FCRL5: variants seen among roughly 807,000 people sequenced by gnomAD.
The protein encoded by FCRL5 is Fc receptor like 5.
Under a neutral mutation model 92.1 loss-of-function variants are expected in FCRL5, and 79 were observed. The ratio of observed to expected loss-of-function variants is 0.86; its 90% confidence interval spans 0.72 to 1.03. The LOEUF (loss-of-function observed/expected upper bound fraction) is 1.03. Among genes scored for constraint, FCRL5 ranks in the 50% least tolerant of loss-of-function variants. The pLI is 0.00. For missense variants in FCRL5, 1,160 were observed against 1,181.1 expected (o/e 0.98, Z 0.26); for synonymous variants, 466 against 469.3 (o/e 0.99, Z 0.09).
At chr1:157,549,701 T>G in intron 1 of FCRL5, 121 bp from the exon 2 acceptor site, 1 of 720,386 alleles carries the variant, frequency 1.4e-6, no homozygotes, top group Non-Finnish European at 2.3e-6. Context: ...ATTTAAAAAC[T>G]CTAATAATTA....
At chr1:157,530,258 C>T (rs1855121) in intron 8 of FCRL5, among the ~76,000 whole-genome samples, 110,054 of 152,130 alleles carry the variant, frequency 0.72, 42,892 homozygotes, top group South Asian at 0.86. Flanking sequence ...ACTTAAAAAT[C>T]TACATCACTA....
rs1571120226 is a variant in FCRL5, at chr1:157,552,236, C to T, written c.31+96G>A. 1.2e-5 allele frequency: 15 copies of T among 1,215,770 alleles called. No homozygotes were observed. In the East Asian group the frequency reaches 3.5e-4, roughly 28 times the overall value. 75.3% of individuals were successfully genotyped at this position (1,215,770 alleles called of 1,614,324 possible). Reference sequence around the variant, plus strand: ...TCTCCTAATGTAGGAGAGAGTCTCTCAGCAGGGGCTGAGCCCCAAGAAAGG... The same window carrying T: ...TCTCCTAATGTAGGAGAGAGTCTCTTAGCAGGGGCTGAGCCCCAAGAAAGG... On this transcript the variant is annotated intron_variant, in intron 1 of 16. Transcript: ENST00000361835.
intron 6 of FCRL5, 85 bp downstream of exon 6, chr1:157,542,774 G>A (rs1174289135): frequency 2.8e-6 from 4 of 1,451,962 alleles, no homozygotes; most frequent in Non-Finnish European, 2.8e-6. Flanking sequence ...TGAGGATACT[G>A]GAAGGTATAT....
chr1:157,517,443 G>A (rs966240288), intron 15 of FCRL5, among the ~76,000 whole-genome samples: 3 of 152,216 alleles, frequency 2.0e-5, no homozygotes, highest in Non-Finnish European at 4.4e-5. Context: ...GAGATAGGGA[G>A]ATTATTCTGG....
intron 11 of FCRL5, among the ~76,000 whole-genome samples, chr1:157,520,805 T>G (rs749692473): frequency 3.9e-5 from 6 of 152,226 alleles, no homozygotes; most frequent in Non-Finnish European, 8.8e-5. Context: ...CTAAAGTCAG[T>G]GGCGCTCTTG....
intron 8 of FCRL5, among the ~76,000 whole-genome samples, chr1:157,530,962 C>A (rs1243542988): frequency 2.0e-5 from 3 of 151,992 alleles, no homozygotes; most frequent in Non-Finnish European, 1.5e-5. Flanking sequence ...GCAACAAAAG[C>A]AAATATTAGA....
At chr1:157,519,809 T>C in intron 12 of FCRL5, 39 bp from the exon 13 acceptor site, 1 of 1,610,850 alleles carries the variant, frequency 6.2e-7, no homozygotes, top group Non-Finnish European at 8.5e-7. Context: ...TTCAGGAAGA[T>C]GAGACCCTCA....
chr1:157,520,507 G>A lies in FCRL5; in HGVS notation c.2556C>T (p.Val852=), dbSNP rs746651299. 1.2e-5 allele frequency: 19 copies of A among 1,576,278 alleles called. No homozygotes were observed. Among genetic ancestry groups the A allele is most frequent in the Non-Finnish European group, 1.5e-5 (17 of 1,160,814 alleles). The change falls in exon 12 of 17, where the codon GTC becomes GTT. Residue 852 remains valine, a synonymous_variant. Transcript: ENST00000361835. ...ANRSGPFATG[V]AGGLLSIAGL... ...CTGCTATGCTGAGCAGGCCCCCGGCGACTCCTGTGGCAAAAGGGCCACTTC... is the reference window on the plus strand; with the variant it reads ...CTGCTATGCTGAGCAGGCCCCCGGCAACTCCTGTGGCAAAAGGGCCACTTC...
intron 8 of FCRL5, chr1:157,531,834 G>A (rs1475862751): frequency 1.3e-5 from 2 of 152,134 alleles, no homozygotes; most frequent in African/African-American, 4.8e-5. Flanking sequence ...GAGGGGAGAG[G>A]GAAGAGGAGG....
Position 157,549,280 on chromosome 1 carries a change from T to C in FCRL5, c.52+280A>G, listed in dbSNP as rs528264501. Reference sequence around the variant, plus strand: ...AAGGGGAACATCACACTCCAGGGCCTGTTGTGGGGTGGGGGGAGGGGGGAG... The same window carrying C: ...AAGGGGAACATCACACTCCAGGGCCCGTTGTGGGGTGGGGGGAGGGGGGAG... On this transcript the variant is annotated intron_variant, in intron 2 of 16. Coordinates refer to ENST00000361835, the MANE Select transcript of FCRL5 (RefSeq NM_031281.3). Among the ~76,000 whole-genome samples, 9 of 103,246 alleles carry C rather than the reference T, an allele frequency of 8.7e-5. No homozygotes were observed. The Admixed American group carries it at 1.1e-3, about 13-fold the overall frequency. The allele number at this position is 103,246 out of a possible 152,430, so 67.7% of individuals were successfully genotyped here. A position where few individuals can be genotyped will look rare whatever the true frequency, so the allele number is the denominator to read the frequency against.
chr1:157,531,382 A>G (rs12143207), intron 8 of FCRL5, among the ~76,000 whole-genome samples: 9,817 of 152,252 alleles, frequency 0.064, 795 homozygotes, highest in African/African-American at 0.19. Flanking sequence ...ATTGTAAATT[A>G]GTACAGCCAC....
At position 157,524,341 on chromosome 1, in the gene FCRL5, G is replaced by A. The variant is rs185854028; in HGVS notation, c.2177C>T (p.Ser726Phe). The change falls in exon 10 of 17, where the codon TCC becomes TTC. Residue 726 changes from serine to phenylalanine, a missense_variant. Coordinates refer to ENST00000361835, the MANE Select transcript of FCRL5 (RefSeq NM_031281.3). ...CTCCAGACCATTGTCTGCCTCACAGGAGTAGATTCCAGAATGTTCTGTAGT... is the reference window on the plus strand; with the variant it reads ...CTCCAGACCATTGTCTGCCTCACAGAAGTAGATTCCAGAATGTTCTGTAGT... ...SLTTEHSGIY[S>F]CEADNGLEAQ... The A allele has an allele frequency of 6.2e-7, 1 of 1,614,140 alleles. No individual in the cohort carries two copies. Among genetic ancestry groups the A allele is most frequent in the Non-Finnish European group, 8.5e-7 (1 of 1,180,048 alleles).
chr1:157,519,710 AC>A, intron 13 of FCRL5, 32 bp downstream of exon 13: 4 of 1,608,480 alleles, frequency 2.5e-6, no homozygotes, highest in Non-Finnish European at 3.4e-6. Context: ...TGGACATTTC[AC>A]TAATCACACA....
At chr1:157,535,790 C>A (rs1184925300) in intron 7 of FCRL5, among the ~76,000 whole-genome samples, 1 of 152,034 alleles carries the variant, frequency 6.6e-6, no homozygotes, top group Non-Finnish European at 1.5e-5. Flanking sequence ...TTATTGTTGT[C>A]CCTATGTCAC....
At chr1:157,544,118 A>G (rs368580696) in intron 5 of FCRL5, 144 bp downstream of exon 5, 1 of 818,756 alleles carries the variant, frequency 1.2e-6, no homozygotes, top group East Asian at 2.4e-5. Flanking sequence ...TGTTCACAAG[A>G]GTAGAGGTCT....
rs766721356 is a variant in FCRL5 at position 157,545,079 on chromosome 1, G to A, written c.311C>T (p.Ser104Leu). ...AGAAAGTGGAGCTTGCAGGATCAGC[G>A]AAGCTATGAGAAACACAATAGAGTT... is the stretch of plus-strand genomic sequence containing the variant. Reference protein sequence around the residue: ...SPVHLDFSSASLILQAPLSVF... With the variant: ...SPVHLDFSSALLILQAPLSVF... Residue 104 changes from serine (S) to leucine (L), a missense_variant, in exon 4 of 17, where the codon TCG becomes TTG. Physicochemically the swap from Ser to Leu is moderately radical, Grantham distance 145. Coordinates refer to ENST00000361835, the MANE Select transcript of FCRL5 (RefSeq NM_031281.3). 24 of 1,611,856 alleles carry A rather than the reference G, an allele frequency of 1.5e-5. No homozygotes were observed. The highest frequency in any genetic ancestry group is 1.8e-5 in the Non-Finnish European group (21 of 1,179,952).
At chr1:157,546,503 AAAG>A (rs1651546890) in intron 3 of FCRL5, among the ~76,000 whole-genome samples, 2 of 150,234 alleles carry the variant, frequency 1.3e-5, no homozygotes, top group East Asian at 2.0e-4. Context: ...ACCAAACCAA[AAAG>A]CTATACATAG....
rs368961209 is a variant in FCRL5, at chr1:157,527,832, A to G, written c.1745T>C (p.Leu582Pro). The change falls in exon 9 of 17, where the codon CTG (leucine) becomes CCG (proline). Residue 582 changes from leucine to proline, a missense_variant. Coordinates refer to ENST00000361835, the MANE Select transcript of FCRL5 (RefSeq NM_031281.3). ...VPRAQAVVGD[L>P]LELHCEAPRG... The stretch of plus-strand genomic sequence containing the variant: ...CGGGGCCTCACAGTGAAGCTCCAGC[A>G]GGTCCCCCACCACAGCCTGGGCCCT... The G allele has an allele frequency of 2.5e-6, 4 of 1,612,338 alleles. No individual in the cohort carries two copies. The highest frequency in any genetic ancestry group is 1.7e-6 in the Non-Finnish European group (2 of 1,178,992).
intron 2 of FCRL5, among the ~76,000 whole-genome samples, chr1:157,547,796 G>T (rs1229783319): frequency 6.6e-6 from 1 of 152,178 alleles, no homozygotes; most frequent in Non-Finnish European, 1.5e-5. Flanking sequence ...CAAGGAGAGG[G>T]GTTGTAGAGG....
Sources: allele counts gnomAD v4.1 joint callset (sites outside exome capture counted in the v4.1 genomes callset), GRCh38; gene constraint gnomAD v4.1.1; transcripts MANE v1.5; gene names NCBI Gene and HGNC (gene_info 2026-07-23, HGNC 2026-07-21).